Variants in HDAC4 observed in about 807,000 individuals in gnomAD.
HDAC4 encodes the protein histone deacetylase A.
Under a neutral mutation model 135.1 loss-of-function variants are expected in HDAC4, and 16 were observed. The ratio of observed to expected loss-of-function variants is 0.12; its 90% CI spans 0.08 to 0.18. HDAC4 has a LOEUF of 0.18. Among genes scored for constraint, HDAC4 ranks in the 10% least tolerant of loss-of-function variants. The pLI, the probability that HDAC4 is intolerant of heterozygous loss-of-function variation, is 1.00. For synonymous variants in HDAC4, 685 were observed against 653.4 expected (o/e 1.05, Z -0.74); for missense variants, 1,143 against 1,511.8 (o/e 0.76, Z 4.05).
chr2:239,068,710 C>A lies in HDAC4; in HGVS notation c.2751-103G>T. ...TGGCATTGATAATGCCTGCCCCGCA[C>A]CCCCTCGGCCACTGGCGGGCTGAGG... On this transcript the variant is annotated intron_variant, in intron 22 of 26. Transcript: ENST00000543185. The surrounding 1 kb of genome is among the most constrained non-coding windows in gnomAD (Gnocchi z 4.4). The A allele has an allele frequency of 3.0e-6, 3 of 994,252 alleles. No homozygotes were observed. Among genetic ancestry groups the A allele is most frequent in the East Asian group, 2.4e-5 (1 of 41,832 alleles). 61.6% of individuals were successfully genotyped at this position (994,252 alleles called of 1,614,324 possible).
At chr2:239,289,426 T>C (rs530161103) in intron 2 of HDAC4, among the ~76,000 whole-genome samples, 2 of 152,360 alleles carry the variant, frequency 1.3e-5, no homozygotes, top group South Asian at 4.1e-4. Context: ...ACTTTTCTTA[T>C]GTTACAATAT....
At chr2:239,124,717 T>C (rs13000122) in intron 12 of HDAC4, among the ~76,000 whole-genome samples, 16,239 of 37,026 alleles carry the variant, frequency 0.44, 3,328 homozygotes, top group Middle Eastern at 0.55. Flanking sequence ...TGTGACATTC[T>C]GGTGTGCTGG....
intron 2 of HDAC4, among the ~76,000 whole-genome samples, chr2:239,254,138 G>C (rs1410386329): frequency 2.0e-5 from 3 of 152,142 alleles, no homozygotes; most frequent in African/African-American, 7.2e-5. Flanking sequence ...GGTAAAACTA[G>C]TCTAGAACCT....
At chr2:239,078,822 C>G (rs3791369) in intron 22 of HDAC4, among the ~76,000 whole-genome samples, 2 of 152,048 alleles carry the variant, frequency 1.3e-5, no homozygotes, top group South Asian at 4.1e-4. Flanking sequence ...GCCGAAGGCA[C>G]CACTGAGAAA....
chr2:239,163,328 A>G (rs1189757450), intron 6 of HDAC4, among the ~76,000 whole-genome samples: 2 of 152,222 alleles, frequency 1.3e-5, no homozygotes, highest in Non-Finnish European at 2.9e-5. Context: ...ATTGTGGCTG[A>G]AAAATGGCAC....
chr2:239,187,312 C>T (rs1320894079), intron 4 of HDAC4, among the ~76,000 whole-genome samples: 1 of 152,156 alleles, frequency 6.6e-6, no homozygotes, highest in Non-Finnish European at 1.5e-5. Flanking sequence ...TGTGGGGTTG[C>T]CAACATGCAG....
In HDAC4 at chr2:239,301,467, C is replaced by CTTTTT. The variant is rs368766670; in HGVS notation, c.22+51210_22+51211insAAAAA. Among the ~76,000 whole-genome samples, 13 of 130,262 alleles carry CTTTTT rather than the reference C, an allele frequency of 1.0e-4. 1 individual carries two copies. The highest frequency in any genetic ancestry group is 4.7e-4 in the East Asian group (2 of 4,286). 85.5% of individuals were successfully genotyped at this position (130,262 alleles called of 152,430 possible). A position where few individuals can be genotyped will look rare whatever the true frequency, so the allele number is the denominator to read the frequency against. On this transcript the variant is annotated intron_variant, in intron 2 of 26. Transcript: ENST00000543185. Reference sequence around the variant, plus strand: ...CATTTCTAAATTCTGCTGGTGCTTTCTTTCTTTTTTTTTTTTTTTATTTTT... The same window carrying CTTTTT: ...CATTTCTAAATTCTGCTGGTGCTTTCTTTTTTTTCTTTTTTTTTTTTTTTATTTTT...
At position 239,267,797 on chromosome 2, in the gene HDAC4, G is replaced by A. The variant is rs115893284; in HGVS notation, c.23-31133C>T. Reference sequence around the variant, plus strand: ...CTCGCAGGCTTCTCCCTCCGTCAAGGACAGAGACTGCTCCAGCCAGCTGGT... The same window carrying A: ...CTCGCAGGCTTCTCCCTCCGTCAAGAACAGAGACTGCTCCAGCCAGCTGGT... On this transcript the variant is annotated intron_variant, in intron 2 of 26. Transcript: ENST00000543185. 5.3e-3 allele frequency among the ~76,000 whole-genome samples: 804 copies of A among 152,366 alleles called. 3 individuals carry two copies. Among genetic ancestry groups the A allele is most frequent in the South Asian group, 9.1e-3 (44 of 4,832 alleles).
Position 239,299,798 on chromosome 2 carries a change from C to T in HDAC4, c.22+52880G>A, listed in dbSNP as rs540898205. On this transcript the variant is annotated intron_variant, in intron 2 of 26. Transcript: ENST00000543185. This position sits in a 1 kb window ranked among gnomAD's most constrained non-coding sequence, Gnocchi z 4.0. ...TGGCACAGCTGTTCCGCTCTGCTCC[C>T]GGCATGTCACAGGGGAGGCACACAC... Among the ~76,000 whole-genome samples, 206 of 152,286 alleles carry T rather than the reference C, an allele frequency of 1.4e-3. 1 individual carries two copies. Among genetic ancestry groups the T allele is most frequent in the South Asian group, 8.3e-3 (40 of 4,828 alleles).
chr2:239,071,733 T>TG (rs2034217811), intron 22 of HDAC4, among the ~76,000 whole-genome samples: 1 of 152,162 alleles, frequency 6.6e-6, no homozygotes, highest in Non-Finnish European at 1.5e-5. Flanking sequence ...GTCCACCTGT[T>TG]GAACATTTCC....
intron 16 of HDAC4, among the ~76,000 whole-genome samples, chr2:239,096,288 G>A (rs1344208103): frequency 1.3e-5 from 2 of 151,914 alleles, no homozygotes; most frequent in African/African-American, 4.8e-5. Context: ...CAGACGAGAA[G>A]CTAAACAGAG....
chr2:239,052,800 C>A lies in HDAC4; in HGVS notation c.*297G>T, dbSNP rs1052986287. On this transcript the variant is annotated 3_prime_UTR_variant, in exon 27 of 27. Coordinates refer to ENST00000543185, the MANE Select transcript of HDAC4 (RefSeq NM_001378414.1). Reference sequence around the variant, plus strand: ...TGTTGCCACAGGCTCCTTTCTTCCACGGCGTCCCTTGCGGGACCCGCCAGA... The same window carrying A: ...TGTTGCCACAGGCTCCTTTCTTCCAAGGCGTCCCTTGCGGGACCCGCCAGA... 2.3e-6 allele frequency: 1 copy of A among 441,932 alleles called. No individual in the cohort carries two copies. The highest frequency in any genetic ancestry group is 4.1e-6 in the Non-Finnish European group (1 of 244,094). The allele number at this position is 441,932 out of a possible 1,614,324, so 27.4% of individuals were successfully genotyped here.
chr2:239,216,823 C>A (rs924346918), intron 3 of HDAC4, among the ~76,000 whole-genome samples: 7 of 152,126 alleles, frequency 4.6e-5, no homozygotes, highest in African/African-American at 1.7e-4. Context: ...CACAGGGGTT[C>A]CACCCGCCAT....
At chr2:239,054,270 G>A (rs540238931) in intron 25 of HDAC4, among the ~76,000 whole-genome samples, 14 of 152,206 alleles carry the variant, frequency 9.2e-5, no homozygotes, top group Admixed American at 4.6e-4. Flanking sequence ...GATAGGCTGC[G>A]TGCCACGCCC....
intron 1 of HDAC4, among the ~76,000 whole-genome samples, chr2:239,358,523 G>A (rs373189256): frequency 3.3e-5 from 5 of 152,146 alleles, no homozygotes; most frequent in African/African-American, 4.8e-5. Flanking sequence ...AACTGTGTTC[G>A]GACCCAATCT....
rs369855516 is a variant in HDAC4, at chr2:239,076,226, C to T, written c.2750+4869G>A. ...GCAGGCGGGTGTTGGCCACGCCCCT[C>T]GGCTTCCCAGGGGGAACAGAGCTGG... On this transcript the variant is annotated intron_variant, in intron 22 of 26. Transcript: ENST00000543185. Among the ~76,000 whole-genome samples, 7 of 152,052 alleles carry T rather than the reference C, an allele frequency of 4.6e-5. No individual in the cohort carries two copies. In the East Asian group the frequency reaches 7.7e-4, roughly 17 times the overall value.
rs1362394389 is a variant in HDAC4, at chr2:239,306,494, C to T, written c.22+46184G>A. The stretch of plus-strand genomic sequence containing the variant: ...GCCAAGCTATCCTGTGTCCCATACT[C>T]GGCCCGTAGAGCCATCAAATCATCT... On this transcript the variant is annotated intron_variant, in intron 2 of 26. Transcript: ENST00000543185. The surrounding 1 kb of genome is among the most constrained non-coding windows in gnomAD (Gnocchi z 4.5). Among the ~76,000 whole-genome samples, 3 of 152,164 alleles carry T rather than the reference C, an allele frequency of 2.0e-5. No individual in the cohort carries two copies. The highest frequency in any genetic ancestry group is 2.0e-4 in the Admixed American group (3 of 15,284).
At chr2:239,168,945 G>A (rs1344209598) in intron 5 of HDAC4, among the ~76,000 whole-genome samples, 2 of 152,224 alleles carry the variant, frequency 1.3e-5, no homozygotes, top group Non-Finnish European at 2.9e-5. Context: ...ACATTCCAGA[G>A]CTCCAGTTAA....
At position 239,358,072 on chromosome 2, in the gene HDAC4, T is replaced by C. The variant is rs1282436622; in HGVS notation, c.-219-5154A>G. On this transcript the variant is annotated intron_variant, in intron 1 of 26. Transcript: ENST00000543185. The stretch of plus-strand genomic sequence containing the variant: ...GAAGCTCACTGGAGAGAGACACATA[T>C]CAACACACGTCTTCGTGGGCCTGAA... Among the ~76,000 whole-genome samples, 3 of 152,124 alleles carry C rather than the reference T, an allele frequency of 2.0e-5. No homozygotes were observed. In the East Asian group the frequency reaches 5.8e-4, roughly 29 times the overall value.
Sources: allele counts gnomAD v4.1 joint callset (sites outside exome capture counted in the v4.1 genomes callset), GRCh38; gene constraint gnomAD v4.1.1; non-coding constraint Gnocchi (gnomAD v3.1); transcripts MANE v1.5; gene names NCBI Gene and HGNC (gene_info 2026-07-23, HGNC 2026-07-21).